Variants in EVL observed in about 807,000 individuals in gnomAD.
EVL encodes the protein ena/VASP-like protein.
A neutral mutation model predicts 59.6 loss-of-function variants in EVL; 21 were observed. That is an observed-to-expected ratio of 0.35 (90% CI 0.25 to 0.51). The LOEUF is 0.51. EVL is among the 20% of genes least tolerant of loss of function. The pLI, the probability that EVL is intolerant of heterozygous loss-of-function variation, is 0.97. For synonymous variants in EVL, 198 were observed against 203.5 expected (o/e 0.97, Z 0.23); for missense variants, 462 against 546.6 (o/e 0.85, Z 1.54).
At chr14:100,079,763 G>A (rs1314387315) in intron 1 of EVL, among the ~76,000 whole-genome samples, 1 of 152,114 alleles carries the variant, frequency 6.6e-6, no homozygotes, top group Non-Finnish European at 1.5e-5. Context: ...CAGAAACCTT[G>A]TTCCCAGCCA....
chr14:99,984,575 A>G (rs2060827965), intron 1 of EVL, among the ~76,000 whole-genome samples: 1 of 152,164 alleles, frequency 6.6e-6, no homozygotes, highest in Non-Finnish European at 1.5e-5. Flanking sequence ...TCTCCTGTTA[A>G]TTAACATCTT....
chr14:100,102,556 T>C (rs1886288813), intron 3 of EVL: 2 of 353,966 alleles, frequency 5.7e-6, no homozygotes, highest in South Asian at 4.3e-5. Flanking sequence ...GGGTCACAGA[T>C]TCCTTGGCTC....
At position 100,126,721 on chromosome 14, in the gene EVL, A is replaced by C. The variant is rs1393202217; in HGVS notation, c.437A>C (p.Gln146Pro). Residue 146 changes from glutamine (Q) to proline (P), a missense_variant, in exon 5 of 14, where the codon CAG (glutamine) becomes CCG (proline). By Grantham distance (76) the Gln-to-Pro change is moderately conservative. Coordinates refer to ENST00000392920, the MANE Select transcript of EVL (RefSeq NM_016337.3). ...TTACTTTCCAGACAAGTGATGGAGC[A>C]GCACCAGCAGCAGCGTCAGGAATCT... is the stretch of plus-strand genomic sequence containing the variant. ...MDIQRRQVME[Q>P]HQQQRQESLE... is the part of the protein sequence containing the mutation. 1 of 1,614,172 alleles carries C rather than the reference A, an allele frequency of 6.2e-7. No homozygotes were observed. Among genetic ancestry groups the C allele is most frequent in the Non-Finnish European group, 8.5e-7 (1 of 1,180,016 alleles).
At chr14:99,986,494 A>G in intron 1 of EVL, among the ~76,000 whole-genome samples, 1 of 152,116 alleles carries the variant, frequency 6.6e-6, no homozygotes, top group Non-Finnish European at 1.5e-5. Context: ...TCCCAATTAG[A>G]GGAGCAGCGC....
intron 5 of EVL, among the ~76,000 whole-genome samples, chr14:100,128,213 C>T (rs1236264434): frequency 2.0e-5 from 3 of 152,188 alleles, no homozygotes; most frequent in East Asian, 3.8e-4. Context: ...AGCTTCCTCT[C>T]CCCCTGGAAA....
intron 1 of EVL, among the ~76,000 whole-genome samples, chr14:100,048,213 G>T (rs937881350): frequency 1.3e-5 from 2 of 152,160 alleles, no homozygotes; most frequent in Non-Finnish European, 2.9e-5. Context: ...TTATAAGAAT[G>T]AAAAGACGAG....
At chr14:100,024,814 G>T (rs2061183131) in intron 1 of EVL, among the ~76,000 whole-genome samples, 1 of 151,980 alleles carries the variant, frequency 6.6e-6, no homozygotes, top group Non-Finnish European at 1.5e-5. Flanking sequence ...GTCTAACACG[G>T]TTCTCCAGCT....
rs931860895 is a variant in EVL at position 100,101,483 on chromosome 14, A to G, written c.358+3825A>G. On this transcript the variant is annotated intron_variant, in intron 3 of 13. Transcript: ENST00000392920. ...CAACAAGAGCGAAACTCTGTCTCAA[A>G]AAAAAGAAAATTAGCTGGGTGTGGT... 2.0e-4 allele frequency among the ~76,000 whole-genome samples: 31 copies of G among 152,286 alleles called. 2 individuals carry two copies. Among genetic ancestry groups the G allele is most frequent in the Admixed American group, 1.2e-3 (18 of 15,306 alleles).
chr14:100,027,927 G>A (rs1471455731), intron 1 of EVL, among the ~76,000 whole-genome samples: 1 of 152,074 alleles, frequency 6.6e-6, no homozygotes, highest in Non-Finnish European at 1.5e-5. Flanking sequence ...CACCCTCATT[G>A]GCCTCCCAAA....
At chr14:100,004,725 C>A (rs1595556656) in intron 1 of EVL, among the ~76,000 whole-genome samples, 1 of 151,954 alleles carries the variant, frequency 6.6e-6, no homozygotes, top group Non-Finnish European at 1.5e-5. Flanking sequence ...GCTTTCTTAC[C>A]AAAAAATACC....
chr14:100,058,054 T>C (rs183818444), intron 1 of EVL, among the ~76,000 whole-genome samples: 3 of 152,206 alleles, frequency 2.0e-5, no homozygotes, highest in Admixed American at 2.0e-4. Flanking sequence ...AACATCCCAA[T>C]GAGAAAGAAA....
rs1018105155 is a variant in EVL, at chr14:100,130,814, C to T, written c.839+1130C>T. Among the ~76,000 whole-genome samples the T allele has an allele frequency of 6.6e-6, 1 of 152,184 alleles. No individual in the cohort carries two copies. The highest frequency in any genetic ancestry group is 6.5e-5 in the Admixed American group (1 of 15,286). On this transcript the variant is annotated intron_variant, in intron 7 of 13. Coordinates refer to ENST00000392920, the MANE Select transcript of EVL (RefSeq NM_016337.3). The surrounding 1 kb of genome is among the most constrained non-coding windows in gnomAD (Gnocchi z 4.8). ...GTGTCAGGGAGCAGCAAGGTGGATC[C>T]GCAGCACGGGCGTCTCCGGAGCCTC...
intron 1 of EVL, among the ~76,000 whole-genome samples, chr14:100,039,428 G>C (rs1366497028): frequency 2.6e-5 from 4 of 152,086 alleles, no homozygotes; most frequent in Non-Finnish European, 4.4e-5. Flanking sequence ...GTAGAGACAG[G>C]GTTTTGCCAT....
In EVL at chr14:100,040,014, A is replaced by G. The variant is rs148648135; in HGVS notation, c.6-44673A>G. On this transcript the variant is annotated intron_variant, in intron 1 of 13. Transcript: ENST00000402714. ...AGGCTGATCTCAAACTCCCGGGCTC[A>G]AGGGATCCTCCTGCCTTGACTTCTC... 5.8e-4 allele frequency among the ~76,000 whole-genome samples: 88 copies of G among 152,218 alleles called. 1 individual carries two copies. Among genetic ancestry groups the G allele is most frequent in the African/African-American group, 1.9e-3 (79 of 41,526 alleles).
intron 1 of EVL, among the ~76,000 whole-genome samples, chr14:100,039,259 G>A (rs750028204): frequency 3.3e-5 from 5 of 152,102 alleles, no homozygotes; most frequent in Non-Finnish European, 7.4e-5. Context: ...TATTTGAGAC[G>A]GAGTTGCACT....
At chr14:100,021,200 G>A (rs2061118273) in intron 1 of EVL, among the ~76,000 whole-genome samples, 4 of 152,178 alleles carry the variant, frequency 2.6e-5, no homozygotes, top group Non-Finnish European at 2.9e-5. Flanking sequence ...CTTTCATTAC[G>A]TTTCATGGTT....
chr14:100,054,712 C>G (rs2061699868), intron 1 of EVL, among the ~76,000 whole-genome samples: 1 of 152,196 alleles, frequency 6.6e-6, no homozygotes, highest in Non-Finnish European at 1.5e-5. Flanking sequence ...CTTCCCCTGG[C>G]TCCTGTCCCC....
At chr14:100,112,630 TAC>T (rs1449289838) in intron 3 of EVL, among the ~76,000 whole-genome samples, 1 of 152,210 alleles carries the variant, frequency 6.6e-6, no homozygotes, top group Non-Finnish European at 1.5e-5. Context: ...TCAGGGCCTC[TAC>T]ACCCAAGGCC....
At chr14:100,042,359 C>G (rs1356426671) in intron 1 of EVL, among the ~76,000 whole-genome samples, 1 of 152,170 alleles carries the variant, frequency 6.6e-6, no homozygotes, top group Non-Finnish European at 1.5e-5. Flanking sequence ...TTGCATTTAG[C>G]AAATGGGTTT....
Sources: gnomAD v4.1 joint callset for allele counts (sites outside exome capture counted in the v4.1 genomes callset) on GRCh38, gnomAD v4.1.1 for gene constraint, Gnocchi (gnomAD v3.1) non-coding constraint, MANE v1.5 for transcripts, NCBI Gene and HGNC (gene_info 2026-07-23, HGNC 2026-07-21) for gene names.